Variants in PIAS2 observed in about 807,000 individuals in gnomAD.
PIAS2 encodes protein inhibitor of activated STAT 2.
PIAS2 carries 19 observed loss-of-function variants against 69.7 expected under a neutral mutation model. The ratio of observed to expected loss-of-function variants is 0.27; its 90% CI spans 0.19 to 0.40. The LOEUF (loss-of-function observed/expected upper bound fraction) is 0.40. Among genes scored for constraint, PIAS2 ranks in the 10% least tolerant of loss-of-function variants. The pLI, the probability that PIAS2 is intolerant of heterozygous loss-of-function variation, is 1.00. For missense variants in PIAS2, 624 were observed against 757.0 expected (o/e 0.82, Z 2.06); for synonymous variants, 261 against 263.2 (o/e 0.99, Z 0.08).
upstream of PIAS2, among the ~76,000 whole-genome samples, chr18:46,919,408 C>T (rs2058386539): frequency 1.3e-5 from 2 of 152,082 alleles, no homozygotes; most frequent in South Asian, 4.2e-4. Flanking sequence ...ATCGCTTGAA[C>T]CCTGGAGGCG....
At chr18:46,859,154 C>T (rs778959927) in intron 3 of PIAS2, among the ~76,000 whole-genome samples, 11 of 152,106 alleles carry the variant, frequency 7.2e-5, no homozygotes, top group South Asian at 2.1e-4. Context: ...AAGGGCCAGA[C>T]GCGGTAGCTC....
rs931483214 is a variant in PIAS2, at chr18:46,810,654, C to T, written c.*1779G>A. ...CCATTGAATAAGGAGACAATGTAGC[C>T]AAAGAAGGGATTTGTGGAAAACCAT... On this transcript the variant is annotated 3_prime_UTR_variant, in exon 14 of 14. Transcript: ENST00000585916. 2.7e-5 allele frequency: 4 copies of T among 148,358 alleles called. No individual in the cohort carries two copies. The highest frequency in any genetic ancestry group is 1.0e-4 in the African/African-American group (4 of 40,138). The allele number at this position is 148,358 out of a possible 1,614,324, so 9.2% of individuals were successfully genotyped here.
intron 11 of PIAS2, among the ~76,000 whole-genome samples, chr18:46,823,515 C>CT (rs1022450200): frequency 6.6e-6 from 1 of 152,190 alleles, no homozygotes; most frequent in African/African-American, 2.4e-5. Context: ...ACACACCTGT[C>CT]TGTCACTACA....
At position 46,810,826 on chromosome 18, in the gene PIAS2, AATTG is replaced by A. The variant is rs1389138201; in HGVS notation, c.*1603_*1606del. On this transcript the variant is annotated 3_prime_UTR_variant, in exon 14 of 14. Transcript: ENST00000585916. ...AGTAGGATGTCCCTATTCTAACGGA[AATTG>A]ATGAGTCCACACCTGGGCACTTCAG... The A allele has an allele frequency of 1.3e-5, 2 of 151,914 alleles. No homozygotes were observed. The highest frequency in any genetic ancestry group is 4.8e-5 in the African/African-American group (2 of 41,360). 9.4% of individuals were successfully genotyped at this position (151,914 alleles called of 1,614,324 possible).
chr18:46,864,282 C>T (rs778421885), intron 2 of PIAS2, 34 bp from the exon 3 acceptor site: 2 of 1,425,916 alleles, frequency 1.4e-6, no homozygotes, highest in Non-Finnish European at 1.9e-6. Flanking sequence ...GATAATATTT[C>T]AATAACAAAT....
intron 12 of PIAS2, chr18:46,815,667 G>A: frequency 9.7e-7 from 1 of 1,027,694 alleles, no homozygotes; most frequent in Non-Finnish European, 1.2e-6. Flanking sequence ...TAAAAATGAT[G>A]AGCTAATGAT....
chr18:46,889,145 A>G (rs765311490), intron 2 of PIAS2, among the ~76,000 whole-genome samples: 1 of 152,216 alleles, frequency 6.6e-6, no homozygotes, highest in Non-Finnish European at 1.5e-5. Flanking sequence ...AGGAAAACAC[A>G]GGGCAAAACC....
rs141369263 is a variant in PIAS2 at position 46,826,267 on chromosome 18, A to G, written c.1508+1692T>C. Among the ~76,000 whole-genome samples the G allele has an allele frequency of 1.4e-3, 207 of 152,354 alleles. 1 individual carries two copies. Among genetic ancestry groups the G allele is most frequent in the African/African-American group, 4.9e-3 (202 of 41,586 alleles). On this transcript the variant is annotated intron_variant, in intron 11 of 13. Coordinates refer to ENST00000585916, the MANE Select transcript of PIAS2 (RefSeq NM_004671.5). ...ATGTAAACTATCCTTATTCCTCTGC[A>G]TACTGAGGTCATTTCAGATTTTGTC...
chr18:46,896,036 A>G (rs1179759264), intron 1 of PIAS2, among the ~76,000 whole-genome samples: 1 of 152,090 alleles, frequency 6.6e-6, no homozygotes, highest in Non-Finnish European at 1.5e-5. Flanking sequence ...CAGGGAAAAC[A>G]TCTCCCTAAA....
chr18:46,813,177 A>G (rs2041151236), intron 13 of PIAS2, among the ~76,000 whole-genome samples: 1 of 152,166 alleles, frequency 6.6e-6, no homozygotes, highest in African/African-American at 2.4e-5. Context: ...TAAAACACAG[A>G]CTACACGGTA....
chr18:46,872,654 G>A (rs1183554418), intron 2 of PIAS2, among the ~76,000 whole-genome samples: 1 of 152,178 alleles, frequency 6.6e-6, no homozygotes, highest in Non-Finnish European at 1.5e-5. Flanking sequence ...TAAGTATTTA[G>A]GACACTTAAT....
chr18:46,817,462 T>C (rs2041681958), intron 12 of PIAS2: 1 of 957,908 alleles, frequency 1.0e-6, no homozygotes, highest in Admixed American at 6.2e-5. Flanking sequence ...AGGATCCTAT[T>C]TTTGTTATTT....
At chr18:46,819,692 AAC>A (rs1408921166) in intron 12 of PIAS2, among the ~76,000 whole-genome samples, 1 of 152,280 alleles carries the variant, frequency 6.6e-6, no homozygotes, top group South Asian at 2.1e-4. Flanking sequence ...TAGAGAAGAA[AAC>A]TAGTAACAGG....
chr18:46,917,715 G>T, upstream of PIAS2: 1 of 296,028 alleles, frequency 3.4e-6, no homozygotes, highest in Non-Finnish European at 5.0e-6. Context: ...CCTGCGGACT[G>T]CCTAGAGCTG....
chr18:46,844,672 AT>A (rs2045913066), intron 7 of PIAS2, 61 bp downstream of exon 7: 1 of 565,434 alleles, frequency 1.8e-6, no homozygotes, highest in African/African-American at 1.9e-5. Flanking sequence ...GCATTAAAGT[AT>A]CTCATATGCT....
intron 1 of PIAS2, among the ~76,000 whole-genome samples, chr18:46,914,288 G>C (rs1304735444): frequency 6.6e-6 from 1 of 152,062 alleles, no homozygotes; most frequent in Non-Finnish European, 1.5e-5. Flanking sequence ...TGCTGATCAG[G>C]TTTGTGTGCT....
intron 9 of PIAS2, among the ~76,000 whole-genome samples, chr18:46,833,517 GTTC>G (rs944625037): frequency 1.1e-4 from 16 of 152,108 alleles, no homozygotes; most frequent in African/African-American, 3.9e-4. Context: ...TACATGAGTA[GTTC>G]TTATGCCAAA....
intron 9 of PIAS2, among the ~76,000 whole-genome samples, chr18:46,835,497 G>A (rs1474310990): frequency 6.6e-6 from 1 of 152,078 alleles, no homozygotes; most frequent in African/African-American, 2.4e-5. Flanking sequence ...TCACTATGTT[G>A]CCCAAGCTCA....
chr18:46,892,685 G>T (rs1659030485), intron 1 of PIAS2, among the ~76,000 whole-genome samples: 1 of 151,922 alleles, frequency 6.6e-6, no homozygotes, highest in African/African-American at 2.4e-5. Flanking sequence ...GAGGCGAGAG[G>T]ATCACTTGAG....
Sources: allele counts gnomAD v4.1 joint callset (sites outside exome capture counted in the v4.1 genomes callset), GRCh38; gene constraint gnomAD v4.1.1; transcripts MANE v1.5; gene names NCBI Gene and HGNC (gene_info 2026-07-23, HGNC 2026-07-21).